Variants in ANKRD13C observed in about 807,000 individuals in gnomAD.
The protein encoded by ANKRD13C is ankyrin repeat domain-containing protein 13C.
ANKRD13C carries 16 observed loss-of-function variants against 65.5 expected under a neutral mutation model. The ratio of observed to expected loss-of-function variants is 0.24; its 90% CI spans 0.17 to 0.37. The LOEUF (loss-of-function observed/expected upper bound fraction) is 0.37. ANKRD13C is among the 10% of genes least tolerant of loss of function. ANKRD13C has a pLI of 1.00. For missense variants in ANKRD13C, 503 were observed against 655.9 expected (o/e 0.77, Z 2.55); for synonymous variants, 235 against 238.7 (o/e 0.98, Z 0.14).
chr1:70,313,617 C>A, intron 5 of ANKRD13C, 128 bp downstream of exon 5: 1 of 665,642 alleles, frequency 1.5e-6, no homozygotes, highest in Non-Finnish European at 2.6e-6. Context: ...CAGTCAATGT[C>A]ATGAAAAATA....
intron 6 of ANKRD13C, chr1:70,305,764 T>C (rs1392389514): frequency 6.6e-6 from 1 of 152,076 alleles, no homozygotes; most frequent in Non-Finnish European, 1.5e-5. Flanking sequence ...GATAGATCAA[T>C]GAATGAACAG....
rs143570681 is a variant in ANKRD13C at position 70,348,251 on chromosome 1, G to A, written c.430+5728C>T. On this transcript the variant is annotated intron_variant, in intron 1 of 12. Coordinates refer to ENST00000370944, the MANE Select transcript of ANKRD13C (RefSeq NM_030816.5). ...AAACATACTGTATGGCCATGAAATA[G>A]ATTATCCTATCTTCTCAATCCTCAA... 2.6e-5 allele frequency among the ~76,000 whole-genome samples: 4 copies of A among 151,792 alleles called. No individual in the cohort carries two copies. In the East Asian group the frequency reaches 7.7e-4, roughly 29 times the overall value.
chr1:70,281,519 C>T (rs1679387923), intron 9 of ANKRD13C, among the ~76,000 whole-genome samples: 3 of 151,240 alleles, frequency 2.0e-5, no homozygotes, highest in Admixed American at 2.0e-4. Context: ...CCTCCCACCC[C>T]AGCCTCCTGA....
intron 6 of ANKRD13C, among the ~76,000 whole-genome samples, chr1:70,305,150 C>A (rs1680536377): frequency 6.6e-6 from 1 of 152,086 alleles, no homozygotes; most frequent in African/African-American, 2.4e-5. Context: ...GAAATATCTA[C>A]CTTAACCAAA....
At chr1:70,263,986 C>T (rs1211314229) in intron 12 of ANKRD13C, among the ~76,000 whole-genome samples, 4 of 152,064 alleles carry the variant, frequency 2.6e-5, no homozygotes, top group Non-Finnish European at 5.9e-5. Flanking sequence ...CAATAATCAA[C>T]ATAACAATTA....
chr1:70,297,698 G>A (rs2101316213), intron 7 of ANKRD13C, among the ~76,000 whole-genome samples: 1 of 148,884 alleles, frequency 6.7e-6, no homozygotes, highest in East Asian at 2.1e-4. Flanking sequence ...GGTGGATCAC[G>A]AGGTCAGAAG....
intron 12 of ANKRD13C, among the ~76,000 whole-genome samples, chr1:70,265,179 T>C (rs1266137783): frequency 6.6e-6 from 1 of 152,098 alleles, no homozygotes; most frequent in East Asian, 1.9e-4. Context: ...GGTAGTACTA[T>C]AACTGGAGTT....
rs771440958 is a variant in ANKRD13C at position 70,260,991 on chromosome 1, A to G, written c.*1726T>C. On this transcript the variant is annotated 3_prime_UTR_variant, in exon 13 of 13. Coordinates refer to ENST00000370944, the MANE Select transcript of ANKRD13C (RefSeq NM_030816.5). ...TGATCACTGCCTTTCAGTGTCTCCA[A>G]CCCCATGTAACCACTGATAGGATAA... The G allele has an allele frequency of 2.0e-5, 3 of 152,034 alleles. No individual in the cohort carries two copies. Among genetic ancestry groups the G allele is most frequent in the South Asian group, 4.1e-4 (2 of 4,822 alleles). The allele number at this position is 152,034 out of a possible 1,614,324, so 9.4% of individuals were successfully genotyped here.
At chr1:70,308,738 C>CAAAAA (rs781171233) in intron 5 of ANKRD13C, among the ~76,000 whole-genome samples, 3 of 74,156 alleles carry the variant, frequency 4.0e-5, no homozygotes, top group Non-Finnish European at 8.5e-5. Context: ...GACTCCGTCT[C>CAAAAA]AAAAAAAAAA....
chr1:70,354,174 G>T lies in ANKRD13C; in HGVS notation c.235C>A (p.Pro79Thr), dbSNP rs750101868. 1 of 1,614,046 alleles carries T rather than the reference G, an allele frequency of 6.2e-7. No homozygotes were observed. Among genetic ancestry groups the T allele is most frequent in the South Asian group, 1.1e-5 (1 of 91,090 alleles). The change falls in exon 1 of 13, where the codon CCG becomes ACG. Residue 79 changes from proline (P) to threonine (T), a missense_variant. Pro to Thr is a conservative substitution (Grantham distance 38). Around this residue, in one of 2 missense-constraint regions of ANKRD13C, gnomAD observed 203 missense variants for 177.6 expected, o/e 1.14. Transcript: ENST00000370944. ...SSNPPGAPAL[P>T]LHNSSVTANS... is the part of the protein sequence containing the mutation. The stretch of plus-strand genomic sequence containing the variant: ...GCAGTCACGGAGGAATTGTGCAGCG[G>T]CAGAGCCGGGGCGCCGGGGGGATTG...
At chr1:70,328,680 G>A (rs1421604027) in intron 2 of ANKRD13C, among the ~76,000 whole-genome samples, 1 of 152,032 alleles carries the variant, frequency 6.6e-6, no homozygotes, top group Admixed American at 6.6e-5. Flanking sequence ...TAAAAGGAAT[G>A]AGTAAAAAAC....
At chr1:70,289,737 A>G (rs1436727411) in intron 9 of ANKRD13C, among the ~76,000 whole-genome samples, 1 of 151,884 alleles carries the variant, frequency 6.6e-6, no homozygotes, top group East Asian at 1.9e-4. Flanking sequence ...CGGCTTCCCA[A>G]AGTGCTGGAA....
chr1:70,265,290 A>C (rs1277417258), intron 12 of ANKRD13C, among the ~76,000 whole-genome samples: 3 of 152,122 alleles, frequency 2.0e-5, no homozygotes, highest in Non-Finnish European at 4.4e-5. Flanking sequence ...ACCAAGAGAG[A>C]GTCTATCAAA....
intron 3 of ANKRD13C, among the ~76,000 whole-genome samples, chr1:70,324,118 G>A (rs1302256915): frequency 2.0e-5 from 3 of 152,118 alleles, no homozygotes; most frequent in Non-Finnish European, 4.4e-5. Flanking sequence ...TCCACATTAT[G>A]CATTTCTTTA....
intron 1 of ANKRD13C, among the ~76,000 whole-genome samples, chr1:70,344,761 T>A (rs1682456966): frequency 6.6e-6 from 1 of 152,048 alleles, no homozygotes; most frequent in African/African-American, 2.4e-5. Flanking sequence ...CTTTTATACT[T>A]CTAAAAATTA....
intron 6 of ANKRD13C, among the ~76,000 whole-genome samples, chr1:70,304,189 G>A (rs554897399): frequency 3.1e-4 from 47 of 152,054 alleles, no homozygotes; most frequent in South Asian, 1.9e-3. Context: ...CTACAAGTGC[G>A]TGCCACCATG....
At chr1:70,272,998 T>TAA (rs1678960088) in intron 11 of ANKRD13C, among the ~76,000 whole-genome samples, 1 of 149,800 alleles carries the variant, frequency 6.7e-6, no homozygotes, top group Non-Finnish European at 1.5e-5. Flanking sequence ...AAAAAATAAA[T>TAA]AAATAAATAA....
At position 70,259,684 on chromosome 1, in the gene ANKRD13C, C is replaced by A. The variant is rs1378361452; in HGVS notation, c.*3033G>T. 6.6e-6 allele frequency among the ~76,000 whole-genome samples: 1 copy of A among 152,186 alleles called. No individual in the cohort carries two copies. The highest frequency in any genetic ancestry group is 1.5e-5 in the Non-Finnish European group (1 of 68,022). On this transcript the variant is annotated 3_prime_UTR_variant, in exon 13 of 13. Transcript: ENST00000370944. ...TACCAAGCTTAGTTCTGCTATCTATCTTTACAAGTGACTTAATACCTCCTG... is the reference window on the plus strand; with the variant it reads ...TACCAAGCTTAGTTCTGCTATCTATATTTACAAGTGACTTAATACCTCCTG...
intron 5 of ANKRD13C, among the ~76,000 whole-genome samples, chr1:70,313,339 G>A (rs979560249): frequency 6.6e-6 from 1 of 151,920 alleles, no homozygotes; most frequent in African/African-American, 2.4e-5. Flanking sequence ...GACCAGCCTG[G>A]GAAACACAGT....
Sources: gnomAD v4.1 joint callset for allele counts (sites outside exome capture counted in the v4.1 genomes callset) on GRCh38, gnomAD v4.1.1 for gene constraint, gnomAD v4.1.1 regional missense constraint, MANE v1.5 for transcripts, NCBI Gene and HGNC (gene_info 2026-07-23, HGNC 2026-07-21) for gene names.